The following NCOR2 variants were observed in gnomAD, a reference collection of about 807,000 sequenced individuals.
The protein encoded by NCOR2 is nuclear receptor corepressor 2, also known as CTG repeat protein 26.
Under a neutral mutation model 262.9 loss-of-function variants are expected in NCOR2, and 81 were observed. The ratio of observed to expected loss-of-function variants is 0.31; its 90% CI spans 0.26 to 0.37. The LOEUF (loss-of-function observed/expected upper bound fraction) is 0.37. Among genes scored for constraint, NCOR2 ranks in the 10% least tolerant of loss-of-function variants. NCOR2 has a pLI of 1.00. For missense variants in NCOR2, 3,385 were observed against 3,621.4 expected, an observed-to-expected ratio of 0.93 and a Z score of 1.68; for synonymous variants, 1,659 against 1,559.3, an observed-to-expected ratio of 1.06 and a Z score of -1.51.
At chr12:124,330,736 T>C (rs1273884015) in intron 44 of NCOR2, 109 bp downstream of exon 46, 4 of 1,231,954 alleles carry the variant, frequency 3.2e-6, no homozygotes, top group Non-Finnish European at 4.6e-6. Flanking sequence ...AATGAGGGGG[T>C]ACACCCAGAC....
intron 20 of NCOR2, among the ~76,000 whole-genome samples, chr12:124,368,641 C>T (rs1016281551): frequency 1.3e-5 from 2 of 152,250 alleles, no homozygotes; most frequent in African/African-American, 4.8e-5. Flanking sequence ...GGCCTTTGCA[C>T]TGGTGGTTCC....
chr12:124,417,348 T>C (rs182977262), intron 13 of NCOR2, among the ~76,000 whole-genome samples: 13 of 152,266 alleles, frequency 8.5e-5, no homozygotes, highest in African/African-American at 2.6e-4. Context: ...GCCAGGCCTC[T>C]ACAACAGGAT....
intron 1 of NCOR2, among the ~76,000 whole-genome samples, chr12:124,507,282 A>G (rs1566008887): frequency 1.3e-5 from 2 of 152,224 alleles, no homozygotes; most frequent in Non-Finnish European, 2.9e-5. Flanking sequence ...TTGCTAAACA[A>G]TATGGCTATT....
rs755061641 is a variant in NCOR2, at chr12:124,486,548, G to A, written c.126C>T (p.Tyr42=). Residue 42 remains tyrosine (Y), a synonymous_variant, in exon 2 of 47, where the codon TAC becomes TAT. Transcript: ENST00000405201. ...AGGCATAGTCGCGGGAGTGGTGCTG[G>A]TACTCCAGGAGCCCGACGTCCTGCA... is the stretch of plus-strand genomic sequence containing the variant. 5 of 1,586,350 alleles carry A rather than the reference G, an allele frequency of 3.2e-6. No individual in the cohort carries two copies. In the South Asian group the frequency reaches 5.7e-5, roughly 18 times the overall value.
rs7302988 is a variant in NCOR2 at position 124,352,647 on chromosome 12, G to T, written c.3693+1446C>A. Among the ~76,000 whole-genome samples the T allele has an allele frequency of 8.2e-3, 1,244 of 152,296 alleles. 22 individuals are homozygous for T. Among genetic ancestry groups the T allele is most frequent in the African/African-American group, 0.029 (1,196 of 41,548 alleles). On this transcript the variant is annotated intron_variant, in intron 27 of 46. Coordinates refer to ENST00000405201, the Ensembl canonical transcript of NCOR2. ...GCCTCCCAAAATGCTGGGTTGACAG[G>T]CAAGAGCCACCGTGTCCAGCTTGAT...
rs757008502 is a variant in NCOR2, at chr12:124,400,660, C to A, written c.1654G>T (p.Asp552Tyr). 7 of 1,614,124 alleles carry A rather than the reference C, an allele frequency of 4.3e-6. No homozygotes were observed. The South Asian group carries it at 7.7e-5, about 18-fold the overall frequency. The change falls in exon 15 of 47, where the codon GAC (aspartate) becomes TAC (tyrosine). Residue 552 changes from aspartate to tyrosine, a missense_variant. Physicochemically the swap from Asp to Tyr is radical, Grantham distance 160 (BLOSUM62 -3). Around this residue, in one of 5 missense-constraint regions of NCOR2, gnomAD observed 515 missense variants for 781.2 expected, o/e 0.66. Transcript: ENST00000405201. Reference sequence around the variant, plus strand: ...TCGTCGTTGTCCTCCCCTGAGGTGTCGTCTGTCTTCTCCCTACAGGCCAGA... The same window carrying A: ...TCGTCGTTGTCCTCCCCTGAGGTGTAGTCTGTCTTCTCCCTACAGGCCAGA...
At chr12:124,351,506 G>C (rs1312389676) in intron 27 of NCOR2, among the ~76,000 whole-genome samples, 1 of 152,128 alleles carries the variant, frequency 6.6e-6, no homozygotes, top group Non-Finnish European at 1.5e-5. Context: ...AATGTCCCTA[G>C]AGAGTTGGAG....
intron 1 of NCOR2, among the ~76,000 whole-genome samples, chr12:124,559,048 A>AC (rs1390851142): frequency 1.3e-5 from 2 of 151,848 alleles, no homozygotes; most frequent in South Asian, 2.1e-4. Flanking sequence ...GAAAAGACTG[A>AC]CCCCCAGGAG....
intron 7 of NCOR2, among the ~76,000 whole-genome samples, chr12:124,441,398 C>T (rs1028248919): frequency 3.3e-5 from 5 of 152,290 alleles, no homozygotes; most frequent in South Asian, 4.1e-4. Context: ...CAAATCCCCA[C>T]GAGTCCATGT....
intron 7 of NCOR2, among the ~76,000 whole-genome samples, chr12:124,438,199 C>T (rs1280028969): frequency 5.9e-5 from 9 of 152,126 alleles, no homozygotes; most frequent in African/African-American, 1.4e-4. Context: ...AGGCAGCCCC[C>T]GCCAACGTTT....
intron 1 of NCOR2, among the ~76,000 whole-genome samples, chr12:124,533,704 G>A (rs1312368762): frequency 6.6e-6 from 1 of 152,156 alleles, no homozygotes; most frequent in Non-Finnish European, 1.5e-5. Context: ...ATATAGTCAT[G>A]TACTGCTTAA....
intron 16 of NCOR2, among the ~76,000 whole-genome samples, chr12:124,387,528 T>C (rs1352743036): frequency 1.3e-5 from 2 of 152,198 alleles, no homozygotes; most frequent in African/African-American, 4.8e-5. Flanking sequence ...CCAGACTTCC[T>C]GCCCTCCGGG....
At chr12:124,477,859 CT>C (rs1383696118) in intron 3 of NCOR2, among the ~76,000 whole-genome samples, 2 of 149,638 alleles carry the variant, frequency 1.3e-5, no homozygotes, top group Non-Finnish European at 3.0e-5. Flanking sequence ...TCAGATGCCC[CT>C]GGTGTAAAAC....
In NCOR2 at chr12:124,415,967, G is replaced by C. The variant is rs550105782; in HGVS notation, c.1482+3990C>G. 3.9e-5 allele frequency among the ~76,000 whole-genome samples: 6 copies of C among 152,140 alleles called. 1 individual carries two copies. The highest frequency in any genetic ancestry group is 1.4e-4 in the African/African-American group (6 of 41,490). ...AGAGTTGTGTGGCATATACAGTGTT[G>C]AGCTGTTTTTTCCCTTTTTAAAAAA... On this transcript the variant is annotated intron_variant, in intron 13 of 46. Coordinates refer to ENST00000405201, the Ensembl canonical transcript of NCOR2.
At chr12:124,438,022 G>A in intron 7 of NCOR2, 26 bp from the exon 10 acceptor site, 1 of 1,596,774 alleles carries the variant, frequency 6.3e-7, no homozygotes, top group Non-Finnish European at 8.5e-7. Context: ...GCGGCAGACA[G>A]GTCAGCCCGG....
At chr12:124,553,370 T>C (rs2051775608) in intron 1 of NCOR2, among the ~76,000 whole-genome samples, 1 of 152,190 alleles carries the variant, frequency 6.6e-6, no homozygotes, top group African/African-American at 2.4e-5. Flanking sequence ...TTCTGAGAAT[T>C]AGGACATCGT....
intron 18 of NCOR2, 131 bp from the exon 21 acceptor site, chr12:124,374,594 C>T (rs1413099810): frequency 1.2e-6 from 1 of 833,528 alleles, no homozygotes; most frequent in Non-Finnish European, 2.0e-6. Flanking sequence ...TGCTCGCTCT[C>T]CTGCCCCGAC....
Position 124,440,943 on chromosome 12 carries a change from G to A in NCOR2, c.816-2947C>T, listed in dbSNP as rs1236230170. 6.6e-6 allele frequency among the ~76,000 whole-genome samples: 1 copy of A among 152,170 alleles called. No individual in the cohort carries two copies. Among genetic ancestry groups the A allele is most frequent in the Non-Finnish European group, 1.5e-5 (1 of 68,020 alleles). On this transcript the variant is annotated intron_variant, in intron 7 of 46. Coordinates refer to ENST00000405201, the Ensembl canonical transcript of NCOR2. The surrounding 1 kb of genome is among the most constrained non-coding windows in gnomAD (Gnocchi z 5.7). ...CTGTGTATCGGAAGCACAGACAGAG[G>A]AAGGCCCTGTGGCTGGACAGTGCTG...
At position 124,378,339 on chromosome 12, in the gene NCOR2, CCGCCGG is replaced by C; in HGVS notation, c.2059_2064del (p.Pro687_Ala688del). On this transcript the variant is annotated inframe_deletion, in exon 18 of 47. Transcript: ENST00000405201. This position sits in a 1 kb window ranked among gnomAD's most constrained non-coding sequence, Gnocchi z 4.2. ...GGGAATGCAGCCTCCTCGCTGGCCG[CCGCCGG>C]CGCTTTCTTCTTCTTCCTCCGCGCG... 6.2e-7 allele frequency: 1 copy of C among 1,613,898 alleles called. No individual in the cohort carries two copies.
Sources: gnomAD v4.1 joint callset for allele counts (sites outside exome capture counted in the v4.1 genomes callset) on GRCh38, gnomAD v4.1.1 for gene constraint, gnomAD v4.1.1 regional missense constraint, Gnocchi (gnomAD v3.1) non-coding constraint, MANE v1.5 for transcripts, NCBI Gene and HGNC (gene_info 2026-07-23, HGNC 2026-07-21) for gene names.